IL6R: variants seen among roughly 807,000 people sequenced by gnomAD.
IL6R encodes interleukin 6 receptor.
In IL6R, 38 loss-of-function variants were observed where a neutral mutation model predicts 48.3. The ratio of observed to expected loss-of-function variants is 0.79; its 90% CI spans 0.61 to 1.03. The LOEUF (loss-of-function observed/expected upper bound fraction) is 1.03, where lower values mean the gene tolerates loss of function less well. Ranked by LOEUF, IL6R falls within the 50% of genes least tolerant of loss-of-function variation. The pLI is 0.00. For synonymous variants in IL6R, 264 were observed against 256.2 expected (o/e 1.03, Z -0.29); for missense variants, 534 against 618.3 (o/e 0.86, Z 1.45).
At chr1:154,420,091 G>A (rs1570934229) in intron 1 of IL6R, among the ~76,000 whole-genome samples, 1 of 152,104 alleles carries the variant, frequency 6.6e-6, no homozygotes, top group Non-Finnish European at 1.5e-5. Flanking sequence ...GGCAAGGGAG[G>A]TTGTGGGAAT....
chr1:154,453,680 C>T (rs541278550), intron 8 of IL6R, among the ~76,000 whole-genome samples: 2 of 152,260 alleles, frequency 1.3e-5, no homozygotes, highest in South Asian at 2.1e-4. Flanking sequence ...GGCAGTGTTA[C>T]AGTGAAAAAG....
chr1:154,432,454 C>G (rs1046774321), intron 3 of IL6R, among the ~76,000 whole-genome samples: 1 of 151,248 alleles, frequency 6.6e-6, no homozygotes, highest in Non-Finnish European at 1.5e-5. Context: ...GCCTCCCGGG[C>G]TCAAGCGATT....
chr1:154,458,257 A>T (rs1162867553), intron 9 of IL6R, among the ~76,000 whole-genome samples: 1 of 152,098 alleles, frequency 6.6e-6, no homozygotes, highest in Non-Finnish European at 1.5e-5. Flanking sequence ...GGCGTGAGCC[A>T]CCGTGCCCGG....
intron 2 of IL6R, among the ~76,000 whole-genome samples, chr1:154,430,244 C>CT (rs1689215197): frequency 6.6e-6 from 1 of 152,210 alleles, no homozygotes; most frequent in Non-Finnish European, 1.5e-5. Flanking sequence ...TGAGGTTCTT[C>CT]CCTTCCCCTG....
rs189279299 is a variant in IL6R, at chr1:154,445,521, C to T, written c.950-2604C>T. On this transcript the variant is annotated intron_variant, in intron 6 of 9. Coordinates refer to ENST00000368485, the MANE Select transcript of IL6R (RefSeq NM_000565.4). ...ATCTCAGTACTTTGGGAGGCTGAGGCGGGCGGATCACCAGGTCAGGAGATC... is the reference window on the plus strand; with the variant it reads ...ATCTCAGTACTTTGGGAGGCTGAGGTGGGCGGATCACCAGGTCAGGAGATC... Among the ~76,000 whole-genome samples the T allele has an allele frequency of 2.6e-3, 393 of 152,180 alleles. 2 individuals carry two copies. The highest frequency in any genetic ancestry group is 0.02 in the East Asian group (105 of 5,158).
chr1:154,436,630 A>C (rs1198268588), intron 6 of IL6R, among the ~76,000 whole-genome samples: 1 of 152,194 alleles, frequency 6.6e-6, no homozygotes, highest in East Asian at 1.9e-4. Flanking sequence ...CCTCAGTCAC[A>C]TGTCTGACGA....
At chr1:154,422,791 G>A (rs1438846562) in intron 1 of IL6R, among the ~76,000 whole-genome samples, 1 of 152,246 alleles carries the variant, frequency 6.6e-6, no homozygotes, top group Non-Finnish European at 1.5e-5. Flanking sequence ...TCAGGCCGGG[G>A]TGGGAGCATG....
chr1:154,445,478 C>T (rs370290998), intron 6 of IL6R, among the ~76,000 whole-genome samples: 17 of 152,210 alleles, frequency 1.1e-4, no homozygotes, highest in South Asian at 8.3e-4. Flanking sequence ...CAGCTGGGCG[C>T]GGTGGCTCAC....
chr1:154,428,762 G>C (rs1689115546), intron 1 of IL6R, among the ~76,000 whole-genome samples: 1 of 152,186 alleles, frequency 6.6e-6, no homozygotes, highest in African/African-American at 2.4e-5. Flanking sequence ...CCGAGACCTG[G>C]AATAGGAGGA....
At chr1:154,414,202 A>G (rs1490926147) in intron 1 of IL6R, among the ~76,000 whole-genome samples, 1 of 151,978 alleles carries the variant, frequency 6.6e-6, no homozygotes, top group Non-Finnish European at 1.5e-5. Context: ...TCTCTTTTAT[A>G]GCTTCTAGGT....
At chr1:154,430,276 T>C (rs757067949) in intron 2 of IL6R, among the ~76,000 whole-genome samples, 11 of 152,182 alleles carry the variant, frequency 7.2e-5, no homozygotes, top group Non-Finnish European at 1.5e-4. Flanking sequence ...TGTCTCAGAC[T>C]GAAAGGAGGA....
intron 8 of IL6R, among the ~76,000 whole-genome samples, chr1:154,450,966 T>G (rs575923076): frequency 3.9e-5 from 6 of 152,146 alleles, no homozygotes; most frequent in African/African-American, 1.2e-4. Flanking sequence ...CTCTGCACAG[T>G]TGGGGACTCG....
At chr1:154,417,771 A>C (rs1570930163) in intron 1 of IL6R, among the ~76,000 whole-genome samples, 15 of 107,410 alleles carry the variant, frequency 1.4e-4, no homozygotes, top group East Asian at 2.7e-4. Flanking sequence ...ATGGAGTTTC[A>C]CTCTTGTTGC....
intron 1 of IL6R, chr1:154,414,511 G>GTA: frequency 1.2e-6 from 1 of 814,120 alleles, no homozygotes; most frequent in Non-Finnish European, 2.1e-6. Context: ...ACTTCTTGGT[G>GTA]TAGTCGGTCA....
chr1:154,450,639 C>T (rs752635405), intron 8 of IL6R, among the ~76,000 whole-genome samples: 49 of 152,236 alleles, frequency 3.2e-4, no homozygotes, highest in Middle Eastern at 3.4e-3. Context: ...TTTGGGAGCC[C>T]TTGATTTCAA....
rs759882086 is a variant in IL6R, at chr1:154,466,692, A to G, written c.*1312A>G. On this transcript the variant is annotated 3_prime_UTR_variant, in exon 10 of 10. Coordinates refer to ENST00000368485, the MANE Select transcript of IL6R (RefSeq NM_000565.4). ...ATAAAACCCCATCTCTACAAAAAGCATAAAAATTAGCCAAGTGTGGTAGAG... is the reference window on the plus strand; with the variant it reads ...ATAAAACCCCATCTCTACAAAAAGCGTAAAAATTAGCCAAGTGTGGTAGAG... The G allele has an allele frequency of 1.9e-5, 3 of 155,744 alleles. No homozygotes were observed. The highest frequency in any genetic ancestry group is 3.1e-3 in the Middle Eastern group (1 of 318). 9.6% of individuals were successfully genotyped at this position (155,744 alleles called of 1,614,324 possible).
intron 2 of IL6R, 108 bp downstream of exon 2, chr1:154,429,552 G>C: frequency 7.3e-7 from 1 of 1,368,052 alleles, no homozygotes; most frequent in Non-Finnish European, 9.8e-7. Context: ...TTTCCTTGGC[G>C]CAAGAATTTT....
At chr1:154,407,933 T>G (rs376147264) in intron 1 of IL6R, among the ~76,000 whole-genome samples, 1 of 152,286 alleles carries the variant, frequency 6.6e-6, no homozygotes, top group East Asian at 1.9e-4. Context: ...ATGTATACCT[T>G]TAAGTATCTC....
At chr1:154,428,144 C>T (rs1242420001) in intron 1 of IL6R, among the ~76,000 whole-genome samples, 1 of 152,156 alleles carries the variant, frequency 6.6e-6, no homozygotes, top group Admixed American at 6.5e-5. Context: ...TAATTTTTAT[C>T]TTAGATTCTA....
Sources: gnomAD v4.1 joint callset for allele counts (sites outside exome capture counted in the v4.1 genomes callset) on GRCh38, gnomAD v4.1.1 for gene constraint, MANE v1.5 for transcripts, NCBI Gene and HGNC (gene_info 2026-07-23, HGNC 2026-07-21) for gene names.